TIFAB: variants seen among roughly 807,000 people sequenced by gnomAD.
TIFAB encodes TIFA inhibitor, also known as TRAF-interacting protein with FHA domain-containing protein B.
For synonymous variants in TIFAB, 116 were observed against 95.2 expected, an observed-to-expected ratio of 1.22 and a Z score of -1.27; for missense variants, 222 against 203.6, an observed-to-expected ratio of 1.09 and a Z score of -0.55.
In TIFAB at chr5:135,447,433, C is replaced by T. The variant is rs1167870670; in HGVS notation, c.*2021G>A. ...TCTCAGGTCTCATGATAGTAGCTAACCCTTATTAAGTGTGTGCTGGGCACT... is the reference window on the plus strand; with the variant it reads ...TCTCAGGTCTCATGATAGTAGCTAATCCTTATTAAGTGTGTGCTGGGCACT... On this transcript the variant is annotated 3_prime_UTR_variant, in exon 2 of 2. Transcript: ENST00000537858. 2 of 395,948 alleles carry T rather than the reference C, an allele frequency of 5.1e-6. No homozygotes were observed. Among genetic ancestry groups the T allele is most frequent in the South Asian group, 2.6e-5 (1 of 38,276 alleles). 24.5% of individuals were successfully genotyped at this position (395,948 alleles called of 1,614,324 possible). A position where few individuals can be genotyped will look rare whatever the true frequency, so the allele number is the denominator to read the frequency against.
Position 135,446,241 on chromosome 5 carries a change from G to A in TIFAB, c.*3213C>T. 1 of 1,065,302 alleles carries A rather than the reference G, an allele frequency of 9.4e-7. No homozygotes were observed. The highest frequency in any genetic ancestry group is 1.4e-6 in the Non-Finnish European group (1 of 734,302). The allele number at this position is 1,065,302 out of a possible 1,614,324, so 66.0% of individuals were successfully genotyped here. Reference sequence around the variant, plus strand: ...GATCACAGAACTATAGTAAGTGGGGGTGGGGACAAGAATTCTAACCCAGGC... The same window carrying A: ...GATCACAGAACTATAGTAAGTGGGGATGGGGACAAGAATTCTAACCCAGGC... On this transcript the variant is annotated 3_prime_UTR_variant, in exon 2 of 2. Coordinates refer to ENST00000537858, the MANE Select transcript of TIFAB (RefSeq NM_001099221.2).
Position 135,449,401 on chromosome 5 carries a change from G to A in TIFAB, c.*53C>T, listed in dbSNP as rs1202955519. The A allele has an allele frequency of 3.8e-6, 6 of 1,594,316 alleles. No homozygotes were observed. The East Asian group carries it at 9.0e-5, about 24-fold the overall frequency. On this transcript the variant is annotated 3_prime_UTR_variant, in exon 2 of 2. Transcript: ENST00000537858. ...CTCCTCCAGGTCTTGGCTGGAGAGG[G>A]CTGTCCCAAGTCTGGGAAGGGCCGT...
rs775407715 is a variant in TIFAB, at chr5:135,449,489, TG to T, written c.450del (p.Ile151SerfsTer65). 7 of 1,614,142 alleles carry T rather than the reference TG, an allele frequency of 4.3e-6. No homozygotes were observed. In the South Asian group the frequency reaches 7.7e-5, roughly 18 times the overall value. ...CCAGGGGGAGGCTGCCCCTGGGAGA[TG>T]CCTTCCCATTCGTCAGTTTCCTCAG... ...PEAEETDEWE[G>X]ISQGQPPPGS... On this transcript the variant is annotated frameshift_variant, in exon 2 of 2. Transcript: ENST00000537858. LOFTEE classifies it low-confidence loss of function (END_TRUNC).
In TIFAB at chr5:135,449,660, G is replaced by T; in HGVS notation, c.280C>A (p.Leu94Met). 6.2e-7 allele frequency: 1 copy of T among 1,614,186 alleles called. No individual in the cohort carries two copies. The highest frequency in any genetic ancestry group is 1.1e-5 in the South Asian group (1 of 91,084). Residue 94 changes from leucine (L) to methionine (M), a missense_variant, in exon 2 of 2, where the codon CTG becomes ATG. Transcript: ENST00000537858. ...ACGGTGCTCAGGGGGACCTGCTCCA[G>T]GTACCTCAGCGTCAGCCCATTGACC... ...VWVNGLTLRY[L>M]EQVPLSTVNR...
At position 135,445,811 on chromosome 5, in the gene TIFAB, C is replaced by T. The variant is rs1325704642; in HGVS notation, c.*3643G>A. The T allele has an allele frequency of 6.5e-6, 1 of 152,906 alleles. No homozygotes were observed. 9.5% of individuals were successfully genotyped at this position (152,906 alleles called of 1,614,324 possible). ...TGTTTATGGAGCATTTGCAAGTCTC[C>T]CTCGAGGGGAGCCCGTGTCTCTCAC... On this transcript the variant is annotated 3_prime_UTR_variant, in exon 2 of 2. Transcript: ENST00000537858.
Position 135,446,912 on chromosome 5 carries a change from C to A in TIFAB, c.*2542G>T, listed in dbSNP as rs929374506. Reference sequence around the variant, plus strand: ...TTTGTTCCTCCCTGGAGGGTAGAGACCCTCACTGAGGCCCTGGAGAGGGGC... The same window carrying A: ...TTTGTTCCTCCCTGGAGGGTAGAGAACCTCACTGAGGCCCTGGAGAGGGGC... On this transcript the variant is annotated 3_prime_UTR_variant, in exon 2 of 2. Transcript: ENST00000537858. 3.1e-6 allele frequency: 5 copies of A among 1,613,200 alleles called. No homozygotes were observed. The highest frequency in any genetic ancestry group is 1.3e-5 in the African/African-American group (1 of 75,038).
rs1580655979 is a variant in TIFAB, at chr5:135,448,834, C to G, written c.*620G>C. On this transcript the variant is annotated 3_prime_UTR_variant, in exon 2 of 2. Coordinates refer to ENST00000537858, the MANE Select transcript of TIFAB (RefSeq NM_001099221.2). ...ACAGCGTGGCGTGCATGTGGCCCAT[C>G]TGGGGATCAGGGAATCCTATTGGGT... 2 of 153,772 alleles carry G rather than the reference C, an allele frequency of 1.3e-5. No homozygotes were observed. The highest frequency in any genetic ancestry group is 4.8e-5 in the African/African-American group (2 of 41,452). The allele number at this position is 153,772 out of a possible 1,614,324, so 9.5% of individuals were successfully genotyped here.
chr5:135,451,184 C>T (rs1416067338), intron 1 of TIFAB, among the ~76,000 whole-genome samples: 1 of 151,614 alleles, frequency 6.6e-6, no homozygotes, highest in Non-Finnish European at 1.5e-5. Context: ...GAGAAGCCCA[C>T]ACACACACAT....
Position 135,446,461 on chromosome 5 carries a change from G to C in TIFAB, c.*2993C>G. 1.2e-6 allele frequency: 2 copies of C among 1,613,916 alleles called. No individual in the cohort carries two copies. Among genetic ancestry groups the C allele is most frequent in the Non-Finnish European group, 1.7e-6 (2 of 1,179,792 alleles). Reference sequence around the variant, plus strand: ...AGGAACTCACCCGCCTGCTCTGGCTGTCTGAGCAGGTGAGGGATAGTGATA... The same window carrying C: ...AGGAACTCACCCGCCTGCTCTGGCTCTCTGAGCAGGTGAGGGATAGTGATA... On this transcript the variant is annotated 3_prime_UTR_variant, in exon 2 of 2. Coordinates refer to ENST00000537858, the MANE Select transcript of TIFAB (RefSeq NM_001099221.2).
rs975882808 is a variant in TIFAB at position 135,447,195 on chromosome 5, T to C, written c.*2259A>G. On this transcript the variant is annotated 3_prime_UTR_variant, in exon 2 of 2. Coordinates refer to ENST00000537858, the MANE Select transcript of TIFAB (RefSeq NM_001099221.2). ...TGTGGCTTCTTCTCCTTGCCAGCCC[T>C]ACCAGGGCATCTCCCATTATACTAA... 1.3e-6 allele frequency: 2 copies of C among 1,536,026 alleles called. No homozygotes were observed. The highest frequency in any genetic ancestry group is 2.7e-5 in the African/African-American group (2 of 73,346).
Position 135,449,858 on chromosome 5 carries a change from G to A in TIFAB, c.82C>T (p.Arg28Trp), listed in dbSNP as rs372509947. 87 of 1,589,056 alleles carry A rather than the reference G, an allele frequency of 5.5e-5. No individual in the cohort carries two copies. Among genetic ancestry groups the A allele is most frequent in the Non-Finnish European group, 6.2e-5 (72 of 1,165,250 alleles). The change falls in exon 2 of 2, where the codon CGG (arginine) becomes TGG (tryptophan). Residue 28 changes from arginine to tryptophan, a missense_variant. By Grantham distance (101) the Arg-to-Trp change is moderately radical. Coordinates refer to ENST00000537858, the MANE Select transcript of TIFAB (RefSeq NM_001099221.2). ...AGAGGGCTGGTATCATGCTGCAGCCGTGGTGGGACATTGGCAAAGGCAGAT... is the reference window on the plus strand; with the variant it reads ...AGAGGGCTGGTATCATGCTGCAGCCATGGTGGGACATTGGCAAAGGCAGAT... Reference protein sequence around the residue: ...GPSAFANVPPRLQHDTSPLLL... With the variant: ...GPSAFANVPPWLQHDTSPLLL...
In TIFAB at chr5:135,449,077, T is replaced by A. The variant is rs1769321605; in HGVS notation, c.*377A>T. 4.5e-6 allele frequency: 1 copy of A among 224,602 alleles called. No individual in the cohort carries two copies. Among genetic ancestry groups the A allele is most frequent in the Non-Finnish European group, 9.0e-6 (1 of 111,544 alleles). 13.9% of individuals were successfully genotyped at this position (224,602 alleles called of 1,614,324 possible). ...CTCCTAGTCAGACAACAGGGAGAAA[T>A]GTGTGGAAATGCTGAGAGAGGCTCC... On this transcript the variant is annotated 3_prime_UTR_variant, in exon 2 of 2. Coordinates refer to ENST00000537858, the MANE Select transcript of TIFAB (RefSeq NM_001099221.2).
Position 135,445,906 on chromosome 5 carries a change from A to C in TIFAB, c.*3548T>G, listed in dbSNP as rs1561706438. On this transcript the variant is annotated 3_prime_UTR_variant, in exon 2 of 2. Coordinates refer to ENST00000537858, the MANE Select transcript of TIFAB (RefSeq NM_001099221.2). ...CGAGGGTTAAAATACCTTAAAGGGCAAGGAGATGATTTCTAGATTTCCAGA... is the reference window on the plus strand; with the variant it reads ...CGAGGGTTAAAATACCTTAAAGGGCCAGGAGATGATTTCTAGATTTCCAGA... The C allele has an allele frequency of 6.5e-6, 1 of 153,900 alleles. No individual in the cohort carries two copies. Among genetic ancestry groups the C allele is most frequent in the Non-Finnish European group, 1.4e-5 (1 of 69,310 alleles). The allele number at this position is 153,900 out of a possible 1,614,324, so 9.5% of individuals were successfully genotyped here.
At position 135,446,646 on chromosome 5, in the gene TIFAB, G is replaced by C. The variant is rs761040438; in HGVS notation, c.*2808C>G. On this transcript the variant is annotated 3_prime_UTR_variant, in exon 2 of 2. Transcript: ENST00000537858. ...TTAACTGCCTTAAAAACTTGGTACAGGGCAAGGTGTGAGTTTCCCGGTGAG... is the reference window on the plus strand; with the variant it reads ...TTAACTGCCTTAAAAACTTGGTACACGGCAAGGTGTGAGTTTCCCGGTGAG... The C allele has an allele frequency of 1.5e-5, 24 of 1,613,900 alleles. No homozygotes were observed. The highest frequency in any genetic ancestry group is 2.0e-5 in the Non-Finnish European group (24 of 1,179,896).
rs777189549 is a variant in TIFAB at position 135,448,353 on chromosome 5, T to A, written c.*1101A>T. The stretch of plus-strand genomic sequence containing the variant: ...TAGATCCCTCCCTGCATCACACTAG[T>A]GAACGTTGTTTCTAAACCACACTCT... On this transcript the variant is annotated 3_prime_UTR_variant, in exon 2 of 2. Transcript: ENST00000537858. 2.6e-5 allele frequency: 4 copies of A among 152,068 alleles called. No individual in the cohort carries two copies. Among genetic ancestry groups the A allele is most frequent in the African/African-American group, 9.7e-5 (4 of 41,398 alleles). 9.4% of individuals were successfully genotyped at this position (152,068 alleles called of 1,614,324 possible).
intron 1 of TIFAB, among the ~76,000 whole-genome samples, chr5:135,450,157 C>T (rs1769340763): frequency 6.6e-6 from 1 of 152,232 alleles, no homozygotes; most frequent in Admixed American, 6.5e-5. Context: ...ATGCCACCCA[C>T]TCTGTCTGAC....
chr5:135,446,813 G>A lies in TIFAB; in HGVS notation c.*2641C>T, dbSNP rs376193776. 31 of 1,613,804 alleles carry A rather than the reference G, an allele frequency of 1.9e-5. No homozygotes were observed. The highest frequency in any genetic ancestry group is 6.6e-5 in the South Asian group (6 of 91,078). Reference sequence around the variant, plus strand: ...TGAGGGCCTCGCAGATGCTTCACTCGAAAGATTGGAGTTGCAGAGTCCCCT... The same window carrying A: ...TGAGGGCCTCGCAGATGCTTCACTCAAAAGATTGGAGTTGCAGAGTCCCCT... On this transcript the variant is annotated 3_prime_UTR_variant, in exon 2 of 2. Coordinates refer to ENST00000537858, the MANE Select transcript of TIFAB (RefSeq NM_001099221.2).
chr5:135,446,891 T>C lies in TIFAB; in HGVS notation c.*2563A>G, dbSNP rs776327512. The C allele has an allele frequency of 1.2e-5, 19 of 1,613,572 alleles. No homozygotes were observed. Among genetic ancestry groups the C allele is most frequent in the Admixed American group, 8.3e-5 (5 of 59,986 alleles). The stretch of plus-strand genomic sequence containing the variant: ...CAGGACCCCAGCTGGCAAGGTTTTG[T>C]TCCTCCCTGGAGGGTAGAGACCCTC... On this transcript the variant is annotated 3_prime_UTR_variant, in exon 2 of 2. Coordinates refer to ENST00000537858, the MANE Select transcript of TIFAB (RefSeq NM_001099221.2).
In TIFAB at chr5:135,446,316, T is replaced by G. The variant is rs937609714; in HGVS notation, c.*3138A>C. 5.2e-6 allele frequency: 8 copies of G among 1,534,390 alleles called. No homozygotes were observed. In the Admixed American group the frequency reaches 1.6e-4, roughly 30 times the overall value. On this transcript the variant is annotated 3_prime_UTR_variant, in exon 2 of 2. Coordinates refer to ENST00000537858, the MANE Select transcript of TIFAB (RefSeq NM_001099221.2). ...CTGGGAGCAGCGTTCATGTGCACTG[T>G]ATGTTCGTGTTTAGTGTATGTCTGT...
Sources: gnomAD v4.1 joint callset for allele counts (sites outside exome capture counted in the v4.1 genomes callset) on GRCh38, gnomAD v4.1.1 for gene constraint, MANE v1.5 for transcripts, NCBI Gene and HGNC (gene_info 2026-07-23, HGNC 2026-07-21) for gene names.